The following ATP6V0D2 variants were observed in gnomAD, a reference collection of about 807,000 sequenced individuals.
ATP6V0D2 encodes the protein ATPase H+ transporting V0 subunit d2, also known as V-type proton ATPase subunit d 2.
ATP6V0D2 carries 40 observed loss-of-function variants against 40.0 expected under a neutral mutation model. The ratio of observed to expected loss-of-function variants is 1.00; its 90% CI spans 0.78 to 1.30. The LOEUF (loss-of-function observed/expected upper bound fraction) is 1.30, where lower values mean the gene tolerates loss of function less well. Ranked by LOEUF, ATP6V0D2 falls within the 50% of genes most tolerant of loss-of-function variation. The pLI is 0.00. For missense variants in ATP6V0D2, 470 were observed against 423.1 expected (o/e 1.11, Z -0.97); for synonymous variants, 179 against 156.3 (o/e 1.15, Z -1.08).
At position 86,120,155 on chromosome 8, in the gene ATP6V0D2, T is replaced by C. The variant is rs571494711; in HGVS notation, c.302+6275T>C. On this transcript the variant is annotated intron_variant, in intron 2 of 7. Coordinates refer to ENST00000285393, the MANE Select transcript of ATP6V0D2 (RefSeq NM_152565.1). ...GCTCATGTCTGTAATCCCAGCACTT[T>C]GGGAGGCCAAGGTGGAAGGATCACT... 2.5e-3 allele frequency among the ~76,000 whole-genome samples: 385 copies of C among 152,280 alleles called. 1 individual carries two copies. The highest frequency in any genetic ancestry group is 9.0e-3 in the African/African-American group (374 of 41,574).
intron 2 of ATP6V0D2, among the ~76,000 whole-genome samples, chr8:86,138,579 T>C (rs1334722572): frequency 1.3e-5 from 2 of 152,194 alleles, no homozygotes; most frequent in Non-Finnish European, 2.9e-5. Flanking sequence ...GATTAAAATA[T>C]GAATTAATAT....
Position 86,112,924 on chromosome 8 carries a change from A to T in ATP6V0D2, c.131-785A>T, listed in dbSNP as rs1323379013. Among the ~76,000 whole-genome samples, 3 of 152,084 alleles carry T rather than the reference A, an allele frequency of 2.0e-5. No homozygotes were observed. The East Asian group carries it at 5.8e-4, about 29-fold the overall frequency. On this transcript the variant is annotated intron_variant, in intron 1 of 7. Coordinates refer to ENST00000285393, the MANE Select transcript of ATP6V0D2 (RefSeq NM_152565.1). ...CCACCATTTAGTCCCACTGAACTTC[A>T]ATTTCTTCGTCTGTAATAAAAGGAT...
At chr8:86,116,272 C>T (rs1818590859) in intron 2 of ATP6V0D2, among the ~76,000 whole-genome samples, 1 of 152,182 alleles carries the variant, frequency 6.6e-6, no homozygotes, top group Non-Finnish European at 1.5e-5. Context: ...TTGCTACACA[C>T]TCTCCCACCC....
intron 1 of ATP6V0D2, among the ~76,000 whole-genome samples, chr8:86,108,248 T>A (rs1022323019): frequency 6.6e-6 from 1 of 152,062 alleles, no homozygotes; most frequent in African/African-American, 2.4e-5. Flanking sequence ...CTCAAGCAAT[T>A]CTCCCACCTC....
At chr8:86,120,687 T>C (rs974974376) in intron 2 of ATP6V0D2, among the ~76,000 whole-genome samples, 7 of 152,320 alleles carry the variant, frequency 4.6e-5, no homozygotes, top group African/African-American at 1.7e-4. Flanking sequence ...TGTTTTACCT[T>C]CACCTCTACA....
At chr8:86,128,570 C>G (rs1390671260) in intron 2 of ATP6V0D2, among the ~76,000 whole-genome samples, 1 of 152,104 alleles carries the variant, frequency 6.6e-6, no homozygotes, top group East Asian at 1.9e-4. Context: ...TCAGTTTTGA[C>G]AAACAGTTGG....
At chr8:86,129,943 C>T (rs1818796141) in intron 2 of ATP6V0D2, among the ~76,000 whole-genome samples, 1 of 145,664 alleles carries the variant, frequency 6.9e-6, no homozygotes, top group Admixed American at 6.9e-5. Flanking sequence ...TACCACAGCA[C>T]TCCAGCCTGG....
chr8:86,144,363 A>G (rs1324055439), intron 5 of ATP6V0D2, among the ~76,000 whole-genome samples: 2 of 152,186 alleles, frequency 1.3e-5, no homozygotes, highest in South Asian at 2.1e-4. Context: ...CTGTGAAACT[A>G]AATTTTATCT....
chr8:86,116,380 A>G (rs1028830286), intron 2 of ATP6V0D2, among the ~76,000 whole-genome samples: 1 of 151,754 alleles, frequency 6.6e-6, no homozygotes, highest in African/African-American at 2.4e-5. Context: ...CATTCTTTTT[A>G]TTTTATTATT....
chr8:86,149,205 A>G (rs1191918457), intron 5 of ATP6V0D2, among the ~76,000 whole-genome samples: 1 of 152,058 alleles, frequency 6.6e-6, no homozygotes, highest in East Asian at 1.9e-4. Context: ...TGCGTAGCCC[A>G]AGAAAACCAT....
In ATP6V0D2 at chr8:86,117,018, A is replaced by C. The variant is rs112707945; in HGVS notation, c.302+3138A>C. 5.6e-3 allele frequency among the ~76,000 whole-genome samples: 857 copies of C among 152,116 alleles called. 8 individuals are homozygous for C. Among genetic ancestry groups the C allele is most frequent in the African/African-American group, 0.02 (816 of 41,388 alleles). On this transcript the variant is annotated intron_variant, in intron 2 of 7. Coordinates refer to ENST00000285393, the MANE Select transcript of ATP6V0D2 (RefSeq NM_152565.1). Reference sequence around the variant, plus strand: ...TTTATGTGGATTTGATACAGGACCTAATTGTCTATTTTTGTTAGAGTTTTC... The same window carrying C: ...TTTATGTGGATTTGATACAGGACCTCATTGTCTATTTTTGTTAGAGTTTTC...
chr8:86,138,118 G>A (rs887924166), intron 2 of ATP6V0D2, among the ~76,000 whole-genome samples: 15 of 152,014 alleles, frequency 9.9e-5, no homozygotes, highest in African/African-American at 2.9e-4. Context: ...TCCAGTGCTC[G>A]GCCCAGGCAA....
At chr8:86,111,886 A>G (rs1818531508) in intron 1 of ATP6V0D2, among the ~76,000 whole-genome samples, 1 of 152,164 alleles carries the variant, frequency 6.6e-6, no homozygotes, top group African/African-American at 2.4e-5. Context: ...CCTTATCTTT[A>G]TCACTAAATT....
chr8:86,150,986 C>A (rs977995090), intron 6 of ATP6V0D2, among the ~76,000 whole-genome samples: 1 of 152,182 alleles, frequency 6.6e-6, no homozygotes, highest in Non-Finnish European at 1.5e-5. Context: ...TCAGCAAATG[C>A]GTAACCCTTG....
chr8:86,112,417 AT>A (rs1252115720), intron 1 of ATP6V0D2, among the ~76,000 whole-genome samples: 1 of 152,158 alleles, frequency 6.6e-6, no homozygotes, highest in Non-Finnish European at 1.5e-5. Context: ...AGATTTTTAA[AT>A]TTTTTAATCT....
At chr8:86,144,199 A>G (rs1819017349) in intron 5 of ATP6V0D2, among the ~76,000 whole-genome samples, 1 of 152,202 alleles carries the variant, frequency 6.6e-6, no homozygotes, top group Non-Finnish European at 1.5e-5. Flanking sequence ...TATGCATGGG[A>G]GATTCAGGGC....
intron 2 of ATP6V0D2, among the ~76,000 whole-genome samples, chr8:86,136,190 C>T (rs1450715793): frequency 6.6e-6 from 1 of 152,142 alleles, no homozygotes; most frequent in African/African-American, 2.4e-5. Context: ...TCTATAAAGC[C>T]CTTGCTCATT....
chr8:86,151,760 T>C (rs866517106), intron 7 of ATP6V0D2, among the ~76,000 whole-genome samples: 2,401 of 150,736 alleles, frequency 0.016, 70 homozygotes, highest in African/African-American at 0.054. Context: ...TCTTTCTTTT[T>C]TTTTTTTTTT....
At chr8:86,129,860 G>T (rs554080675) in intron 2 of ATP6V0D2, among the ~76,000 whole-genome samples, 1 of 147,980 alleles carries the variant, frequency 6.8e-6, no homozygotes, top group Non-Finnish European at 1.5e-5. Flanking sequence ...GCCTGTAGCC[G>T]CAGTTACTCT....
Sources: allele counts gnomAD v4.1 joint callset (sites outside exome capture counted in the v4.1 genomes callset), GRCh38; gene constraint gnomAD v4.1.1; transcripts MANE v1.5; gene names NCBI Gene and HGNC (gene_info 2026-07-23, HGNC 2026-07-21).